The following PPP4R1 variants were observed in gnomAD, a reference collection of about 807,000 sequenced individuals.
PPP4R1 encodes protein phosphatase 4 regulatory subunit 1.
A neutral mutation model predicts 111.2 loss-of-function variants in PPP4R1; 42 were observed. The ratio of observed to expected loss-of-function variants is 0.38; its 90% CI spans 0.29 to 0.49. The LOEUF (loss-of-function observed/expected upper bound fraction) is 0.49, where lower values mean the gene tolerates loss of function less well. Ranked by LOEUF, PPP4R1 falls within the 20% of genes least tolerant of loss-of-function variation. The pLI is 0.97. For synonymous variants in PPP4R1, 409 were observed against 405.5 expected (o/e 1.01, Z -0.10); for missense variants, 1,012 against 1,161.6 (o/e 0.87, Z 1.87).
At chr18:9,587,691 C>A (rs1457742697) in intron 6 of PPP4R1, among the ~76,000 whole-genome samples, 2 of 151,808 alleles carry the variant, frequency 1.3e-5, no homozygotes, top group African/African-American at 4.8e-5. Flanking sequence ...CAGGCATGAG[C>A]CACTGCACCC....
chr18:9,580,241 A>G (rs1225623958), intron 9 of PPP4R1, among the ~76,000 whole-genome samples: 1 of 152,194 alleles, frequency 6.6e-6, no homozygotes, highest in Non-Finnish European at 1.5e-5. Context: ...TTATAAAACA[A>G]TAATTCAAAG....
intron 2 of PPP4R1, among the ~76,000 whole-genome samples, chr18:9,602,265 C>T (rs1040546049): frequency 2.0e-5 from 3 of 149,794 alleles, no homozygotes; most frequent in Non-Finnish European, 4.4e-5. Flanking sequence ...GGCGCGGTGG[C>T]TCACGCCTGT....
Position 9,614,264 on chromosome 18 carries a change from G to A in PPP4R1, c.14C>T (p.Ser5Leu), listed in dbSNP as rs984307521. 2 of 1,346,020 alleles carry A rather than the reference G, an allele frequency of 1.5e-6. No individual in the cohort carries two copies. Among genetic ancestry groups the A allele is most frequent in the East Asian group, 3.5e-5 (1 of 28,832 alleles). 83.4% of individuals were successfully genotyped at this position (1,346,020 alleles called of 1,614,324 possible). ...CTCCTGCAGGTCCTCCTGAAGCAGC[G>A]AGAGGTCTGCGCCGAGGGGAGAGAA... MADL[S>L]LLQEDLQEDA... The change falls in exon 2 of 20, where the codon TCG (serine) becomes TTG (leucine). Residue 5 changes from serine to leucine, a missense_variant. Coordinates refer to ENST00000400556, the MANE Select transcript of PPP4R1 (RefSeq NM_001042388.3). The surrounding 1 kb of genome is among the most constrained non-coding windows in gnomAD (Gnocchi z 4.1).
chr18:9,556,152 T>TC (rs1418716411), intron 15 of PPP4R1, among the ~76,000 whole-genome samples: 17 of 148,078 alleles, frequency 1.1e-4, no homozygotes, highest in Non-Finnish European at 1.5e-5. Context: ...AGAGCGAGAC[T>TC]CCGAATATGA....
In PPP4R1 at chr18:9,613,944, C is replaced by A. The variant is rs1366255686; in HGVS notation, c.52+282G>T. ...TCCTTCCAAAACAGCCGCGCCACTG[C>A]TGAGCCCGCAGGCGATTCGGGGGCG... On this transcript the variant is annotated intron_variant, in intron 2 of 19. Coordinates refer to ENST00000400556, the MANE Select transcript of PPP4R1 (RefSeq NM_001042388.3). The A allele has an allele frequency of 2.9e-5, 7 of 241,134 alleles. No individual in the cohort carries two copies. The East Asian group carries it at 5.0e-4, about 17-fold the overall frequency. 14.9% of individuals were successfully genotyped at this position (241,134 alleles called of 1,614,324 possible). A position where few individuals can be genotyped will look rare whatever the true frequency, so the allele number is the denominator to read the frequency against.
intron 2 of PPP4R1, among the ~76,000 whole-genome samples, chr18:9,600,770 A>C (rs565945478): frequency 2.0e-5 from 3 of 152,252 alleles, no homozygotes; most frequent in African/African-American, 7.2e-5. Context: ...GATCCCTGCT[A>C]CTTGGGAGCC....
Position 9,547,633 on chromosome 18 carries a change from C to A in PPP4R1, c.*156G>T. On this transcript the variant is annotated 3_prime_UTR_variant, in exon 20 of 20. Transcript: ENST00000400556. ...GTACTTTCTCTTGACTCTTGAAATC[C>A]CTGGTATTGGGTGTAGGCAACTTGC... is the stretch of plus-strand genomic sequence containing the variant. 1.4e-6 allele frequency: 1 copy of A among 736,692 alleles called. No homozygotes were observed. The highest frequency in any genetic ancestry group is 2.2e-6 in the Non-Finnish European group (1 of 449,486). 45.6% of individuals were successfully genotyped at this position (736,692 alleles called of 1,614,324 possible).
intron 12 of PPP4R1, 67 bp from the exon 13 acceptor site, chr18:9,562,142 T>C: frequency 8.1e-7 from 1 of 1,227,268 alleles, no homozygotes; most frequent in Non-Finnish European, 1.2e-6. Flanking sequence ...GCTATCTTAC[T>C]AAGTTACTTA....
intron 4 of PPP4R1, among the ~76,000 whole-genome samples, chr18:9,589,307 TAACTA>T (rs1328006893): frequency 2.0e-5 from 3 of 152,178 alleles, no homozygotes; most frequent in Non-Finnish European, 4.4e-5. Flanking sequence ...TAATTAGACT[TAACTA>T]AGACTAAAAA....
At chr18:9,556,826 T>C (rs542397169) in intron 15 of PPP4R1, among the ~76,000 whole-genome samples, 3 of 152,272 alleles carry the variant, frequency 2.0e-5, no homozygotes, top group Non-Finnish European at 4.4e-5. Flanking sequence ...TTCCCGGATG[T>C]GAAACTGGAG....
chr18:9,589,327 T>C (rs932039574), intron 4 of PPP4R1, among the ~76,000 whole-genome samples: 3 of 152,056 alleles, frequency 2.0e-5, no homozygotes, highest in Non-Finnish European at 4.4e-5. Flanking sequence ...TAAAAATGGG[T>C]AAATGAAAAT....
chr18:9,594,791 A>C, intron 3 of PPP4R1: 2 of 422,258 alleles, frequency 4.7e-6, no homozygotes, highest in Non-Finnish European at 8.0e-6. Flanking sequence ...AAGCAATGGT[A>C]ATTAATGGTA....
chr18:9,614,332 C>CG lies in PPP4R1; in HGVS notation c.8-63_8-62insC, dbSNP rs778519122. 0.099 allele frequency: 108,741 copies of CG among 1,099,124 alleles called. 6,112 individuals carry two copies. The highest frequency in any genetic ancestry group is 0.11 in the Non-Finnish European group (98,260 of 894,010). 68.1% of individuals were successfully genotyped at this position (1,099,124 alleles called of 1,614,324 possible). ...CCCCGGGGCCCGGCGCGACGCCCCC[C>CG]CCCCGCCCGCCTCCCCCCCGCCCCG... On this transcript the variant is annotated intron_variant, in intron 1 of 19. Coordinates refer to ENST00000400556, the MANE Select transcript of PPP4R1 (RefSeq NM_001042388.3). This position sits in a 1 kb window ranked among gnomAD's most constrained non-coding sequence, Gnocchi z 4.1.
In PPP4R1 at chr18:9,552,030, G is replaced by T. The variant is rs940045361; in HGVS notation, c.2291+1292C>A. 6 of 152,410 alleles carry T rather than the reference G, an allele frequency of 3.9e-5. No individual in the cohort carries two copies. The East Asian group carries it at 1.2e-3, about 29-fold the overall frequency. 9.4% of individuals were successfully genotyped at this position (152,410 alleles called of 1,614,324 possible). A position where few individuals can be genotyped will look rare whatever the true frequency, so the allele number is the denominator to read the frequency against. Reference sequence around the variant, plus strand: ...GGCACTATATGGCAGAAGAGGAGGCGTGTGTTTTGAGTCAGAAGTGGGCAA... The same window carrying T: ...GGCACTATATGGCAGAAGAGGAGGCTTGTGTTTTGAGTCAGAAGTGGGCAA... On this transcript the variant is annotated intron_variant, in intron 16 of 19. Transcript: ENST00000400556.
intron 4 of PPP4R1, among the ~76,000 whole-genome samples, chr18:9,591,980 T>C (rs553685983): frequency 5.9e-5 from 9 of 152,282 alleles, no homozygotes; most frequent in East Asian, 1.9e-4. Context: ...GGCAGGAGAA[T>C]TGCTTGAACC....
chr18:9,601,198 A>G (rs1300349479), intron 2 of PPP4R1, among the ~76,000 whole-genome samples: 2 of 140,772 alleles, frequency 1.4e-5, no homozygotes, highest in Admixed American at 1.4e-4. Context: ...TGTTATTGTT[A>G]CTGTTGTTTT....
chr18:9,603,658 CTTT>C, intron 2 of PPP4R1, among the ~76,000 whole-genome samples: 1 of 109,594 alleles, frequency 9.1e-6, no homozygotes, highest in African/African-American at 4.8e-5. Context: ...AGGTAATTTT[CTTT>C]ATTTTTTGTA....
In PPP4R1 at chr18:9,565,530, T is replaced by G. The variant is rs73395781; in HGVS notation, c.1574-1980A>C. Among the ~76,000 whole-genome samples, 1,184 of 152,304 alleles carry G rather than the reference T, an allele frequency of 7.8e-3. 20 individuals carry two copies. The highest frequency in any genetic ancestry group is 0.027 in the African/African-American group (1,120 of 41,552). On this transcript the variant is annotated intron_variant, in intron 11 of 19. Coordinates refer to ENST00000400556, the MANE Select transcript of PPP4R1 (RefSeq NM_001042388.3). ...CAGTTAGCCAAGTTATAAATGCAGA[T>G]GGAAAAGTTCTTGAAGGACATTCAA...
chr18:9,561,534 GT>G (rs1191926742), intron 13 of PPP4R1, among the ~76,000 whole-genome samples: 2 of 152,154 alleles, frequency 1.3e-5, no homozygotes, highest in East Asian at 3.8e-4. Context: ...CGTGAGCACA[GT>G]TTCCCTGCAG....
Sources: allele counts gnomAD v4.1 joint callset (sites outside exome capture counted in the v4.1 genomes callset), GRCh38; gene constraint gnomAD v4.1.1; non-coding constraint Gnocchi (gnomAD v3.1); transcripts MANE v1.5; gene names NCBI Gene and HGNC (gene_info 2026-07-23, HGNC 2026-07-21).